The following GLG1 variants were observed in gnomAD, a reference collection of about 807,000 sequenced individuals.
GLG1 encodes the protein golgi glycoprotein 1, also known as Golgi apparatus protein 1.
GLG1 carries 38 observed loss-of-function variants against 160.5 expected under a neutral mutation model. The observed-to-expected ratio is 0.24, with a 90% CI of 0.18 to 0.31. GLG1 has a LOEUF of 0.31. GLG1 is among the 10% of genes least tolerant of loss of function. GLG1 has a pLI of 1.00. For missense variants in GLG1, 1,373 were observed against 1,505.2 expected, an observed-to-expected ratio of 0.91 and a Z score of 1.45; for synonymous variants, 644 against 543.4, an observed-to-expected ratio of 1.19 and a Z score of -2.57.
intron 1 of GLG1, among the ~76,000 whole-genome samples, chr16:74,538,853 A>G (rs1164356424): frequency 6.6e-6 from 1 of 150,686 alleles, no homozygotes; most frequent in Non-Finnish European, 1.5e-5. Flanking sequence ...TGATATTTTA[A>G]AGAAGGAAAA....
intron 1 of GLG1, among the ~76,000 whole-genome samples, chr16:74,573,584 T>C (rs1371136032): frequency 6.9e-5 from 1 of 14,526 alleles, no homozygotes; most frequent in Admixed American, 9.0e-4. Context: ...ATCTTGCCTT[T>C]TTTTTTTTTT....
intron 2 of GLG1, among the ~76,000 whole-genome samples, chr16:74,530,826 T>C (rs902818568): frequency 6.6e-6 from 1 of 152,132 alleles, no homozygotes; most frequent in Non-Finnish European, 1.5e-5. Context: ...ATCAAATGGA[T>C]GACAACAGTG....
intron 8 of GLG1, among the ~76,000 whole-genome samples, chr16:74,488,654 C>T (rs1226021499): frequency 6.6e-6 from 1 of 152,014 alleles, no homozygotes; most frequent in Non-Finnish European, 1.5e-5. Context: ...GAGTCTTGCT[C>T]TATTGCCCAG....
Position 74,451,875 on chromosome 16 carries a change from T to C in GLG1, c.*1292A>G, listed in dbSNP as rs1332205062. On this transcript the variant is annotated 3_prime_UTR_variant, in exon 26 of 26. Coordinates refer to ENST00000422840, the MANE Select transcript of GLG1 (RefSeq NM_001145667.2). ...AAAGCCCATATTCTGCAAAGGTTGA[T>C]GAATCGCCAAAATACAACATTTAGC... 2 of 580,594 alleles carry C rather than the reference T, an allele frequency of 3.4e-6. No individual in the cohort carries two copies. The highest frequency in any genetic ancestry group is 1.9e-5 in the African/African-American group (1 of 53,312). 36.0% of individuals were successfully genotyped at this position (580,594 alleles called of 1,614,324 possible).
intron 1 of GLG1, among the ~76,000 whole-genome samples, chr16:74,549,892 T>A (rs2018151342): frequency 6.6e-6 from 1 of 151,714 alleles, no homozygotes; most frequent in Non-Finnish European, 1.5e-5. Flanking sequence ...GGCAGGGGGA[T>A]CACTCAAGCC....
At chr16:74,528,582 C>T (rs1448307343) in intron 2 of GLG1, among the ~76,000 whole-genome samples, 2 of 151,700 alleles carry the variant, frequency 1.3e-5, no homozygotes, top group East Asian at 2.0e-4. Flanking sequence ...CAAGTCGAGG[C>T]GGGTGGATCA....
intron 1 of GLG1, among the ~76,000 whole-genome samples, chr16:74,532,606 C>A (rs1376698651): frequency 2.0e-5 from 3 of 152,078 alleles, no homozygotes; most frequent in Admixed American, 6.5e-5. Flanking sequence ...TCATGGCAGC[C>A]TCAACCTCCC....
At chr16:74,553,630 G>A (rs1358504888) in intron 1 of GLG1, among the ~76,000 whole-genome samples, 5 of 151,922 alleles carry the variant, frequency 3.3e-5, no homozygotes, top group South Asian at 4.2e-4. Flanking sequence ...CTGCCACCAC[G>A]CCCGGCTAAT....
chr16:74,470,251 G>GCTTC (rs899034276), intron 15 of GLG1, among the ~76,000 whole-genome samples, 178 bp from the exon 16 acceptor site: 2 of 151,132 alleles, frequency 1.3e-5, no homozygotes, highest in Admixed American at 6.6e-5. Flanking sequence ...CAACAGGCAG[G>GCTTC]CTTCCTTCCT....
At chr16:74,522,255 A>G (rs904516565) in intron 2 of GLG1, among the ~76,000 whole-genome samples, 20 of 152,268 alleles carry the variant, frequency 1.3e-4, no homozygotes, top group Non-Finnish European at 1.2e-4. Flanking sequence ...CCTTTTGGGC[A>G]GATTTACAAG....
chr16:74,533,186 T>C (rs1478480005), intron 1 of GLG1, among the ~76,000 whole-genome samples: 2 of 152,026 alleles, frequency 1.3e-5, no homozygotes, highest in African/African-American at 4.8e-5. Context: ...CCGGGCGTGG[T>C]GGCAGGCGCC....
intron 2 of GLG1, among the ~76,000 whole-genome samples, chr16:74,531,801 T>A (rs2143608898): frequency 6.6e-6 from 1 of 152,352 alleles, no homozygotes; most frequent in Middle Eastern, 3.4e-3. Context: ...AAAAAGAAGA[T>A]GACTGTGTGA....
rs531720341 is a variant in GLG1, at chr16:74,574,883, C to CAAAAAAAAAAAAAAAAAAAA, written c.438+31754_438+31773dup. ...TGGGTAAGAGAGCAAGACTCTGTCT[C>CAAAAAAAAAAAAAAAAAAAA]AAAAAAAAAAAAAAAAAAAAAAAAA... On this transcript the variant is annotated intron_variant, in intron 1 of 25. Coordinates refer to ENST00000422840, the MANE Select transcript of GLG1 (RefSeq NM_001145667.2). Among the ~76,000 whole-genome samples the CAAAAAAAAAAAAAAAAAAAA allele has an allele frequency of 8.1e-5, 2 of 24,792 alleles. 1 individual carries two copies. The highest frequency in any genetic ancestry group is 1.2e-4 in the Non-Finnish European group (2 of 17,110). The allele number at this position is 24,792 out of a possible 152,430, so 16.3% of individuals were successfully genotyped here.
chr16:74,498,301 G>A (rs982152634), intron 4 of GLG1, among the ~76,000 whole-genome samples: 18 of 149,146 alleles, frequency 1.2e-4, no homozygotes, highest in African/African-American at 3.5e-4. Context: ...ATGTGGTGGT[G>A]TGCACCTGTA....
intron 1 of GLG1, among the ~76,000 whole-genome samples, chr16:74,555,667 C>T (rs2018331647): frequency 6.6e-6 from 1 of 151,534 alleles, no homozygotes; most frequent in African/African-American, 2.4e-5. Context: ...CCAGCCTGGG[C>T]AACAGAGAGA....
At chr16:74,468,835 C>CT (rs767885331) in intron 17 of GLG1, 111 bp downstream of exon 17, 23 of 709,530 alleles carry the variant, frequency 3.2e-5, no homozygotes, top group Admixed American at 4.2e-5. Flanking sequence ...GACTTCAAGT[C>CT]TTAACCATCA....
At chr16:74,555,067 T>A (rs1184545330) in intron 1 of GLG1, among the ~76,000 whole-genome samples, 1 of 152,170 alleles carries the variant, frequency 6.6e-6, no homozygotes, top group African/African-American at 2.4e-5. Context: ...TATAAGACTT[T>A]GTGATAAAAC....
At chr16:74,517,200 T>G (rs2017005619) in intron 2 of GLG1, among the ~76,000 whole-genome samples, 2 of 152,220 alleles carry the variant, frequency 1.3e-5, no homozygotes, top group African/African-American at 4.8e-5. Context: ...CTAACTCATT[T>G]TATGAGGTCA....
Position 74,541,324 on chromosome 16 carries a change from C to CAA in GLG1, c.439-9173_439-9172dup, listed in dbSNP as rs59761629. ...AGGTAGCAGAGCAAGGCTCTGTCTC[C>CAA]AAAAAAAAAAAAAAAAAAAAGTCTA... On this transcript the variant is annotated intron_variant, in intron 1 of 25. Coordinates refer to ENST00000422840, the MANE Select transcript of GLG1 (RefSeq NM_001145667.2). 7.4e-3 allele frequency among the ~76,000 whole-genome samples: 529 copies of CAA among 71,728 alleles called. 10 individuals carry two copies. Among genetic ancestry groups the CAA allele is most frequent in the Middle Eastern group, 0.017 (2 of 118 alleles). The allele number at this position is 71,728 out of a possible 152,430, so 47.1% of individuals were successfully genotyped here. A position where few individuals can be genotyped will look rare whatever the true frequency, so the allele number is the denominator to read the frequency against.
Sources: allele counts gnomAD v4.1 joint callset (sites outside exome capture counted in the v4.1 genomes callset), GRCh38; gene constraint gnomAD v4.1.1; transcripts MANE v1.5; gene names NCBI Gene and HGNC (gene_info 2026-07-23, HGNC 2026-07-21).